ARHGEF3: variants seen among roughly 807,000 people sequenced by gnomAD.
ARHGEF3 encodes Rho guanine nucleotide exchange factor 3, also known as 59.8 kDA protein.
Under a neutral mutation model 63.2 loss-of-function variants are expected in ARHGEF3, and 28 were observed. That is an observed-to-expected ratio of 0.44 (90% CI 0.33 to 0.61). ARHGEF3 has a LOEUF of 0.61. Among genes scored for constraint, ARHGEF3 ranks in the 20% least tolerant of loss-of-function variants. ARHGEF3 has a pLI of 0.03. For synonymous variants in ARHGEF3, 266 were observed against 254.2 expected (o/e 1.05, Z -0.44); for missense variants, 533 against 659.3 (o/e 0.81, Z 2.10).
At chr3:56,938,984 C>T (rs1301055515) in intron 3 of ARHGEF3, 1 of 152,168 alleles carries the variant, frequency 6.6e-6, no homozygotes, top group African/African-American at 2.4e-5. Context: ...TAATGGATCC[C>T]ATCTTTTTCC....
intron 3 of ARHGEF3, among the ~76,000 whole-genome samples, chr3:56,951,247 G>A (rs1699795744): frequency 6.6e-6 from 1 of 150,946 alleles, no homozygotes; most frequent in African/African-American, 2.5e-5. Context: ...CCTGCACGTT[G>A]TGCACATGTA....
chr3:56,981,575 A>G (rs1023602512), intron 2 of ARHGEF3, among the ~76,000 whole-genome samples: 1 of 152,230 alleles, frequency 6.6e-6, no homozygotes, highest in Non-Finnish European at 1.5e-5. Flanking sequence ...ATAACCCTGT[A>G]TTATTTCAAA....
chr3:56,792,817 TTA>T (rs2037152290), intron 1 of ARHGEF3, among the ~76,000 whole-genome samples: 1 of 134,598 alleles, frequency 7.4e-6, no homozygotes, highest in Admixed American at 7.0e-5. Context: ...TTTCTTTTTC[TTA>T]TTTTTTTTTT....
chr3:56,746,865 G>T (rs979874961), intron 6 of ARHGEF3, among the ~76,000 whole-genome samples: 1 of 152,144 alleles, frequency 6.6e-6, no homozygotes. Flanking sequence ...AGGATACCAG[G>T]AAAGTAATAT....
chr3:56,944,763 G>C (rs1263807847), intron 3 of ARHGEF3, among the ~76,000 whole-genome samples: 4 of 151,844 alleles, frequency 2.6e-5, no homozygotes, highest in African/African-American at 9.7e-5. Flanking sequence ...ATTTTTAATA[G>C]AGACGGGGTT....
chr3:56,936,831 C>T (rs1477096255), intron 3 of ARHGEF3, among the ~76,000 whole-genome samples: 1 of 152,144 alleles, frequency 6.6e-6, no homozygotes, highest in African/African-American at 2.4e-5. Context: ...GTGATCCTCC[C>T]ACCTCAGCTG....
chr3:57,024,779 G>A (rs1031521698), intron 2 of ARHGEF3, among the ~76,000 whole-genome samples: 4 of 152,194 alleles, frequency 2.6e-5, no homozygotes, highest in East Asian at 1.9e-4. Context: ...GAGCCACCGC[G>A]CCCGGCCAAG....
chr3:56,733,139 C>T (rs1004156273), intron 8 of ARHGEF3, among the ~76,000 whole-genome samples: 4 of 151,662 alleles, frequency 2.6e-5, no homozygotes, highest in Admixed American at 2.0e-4. Flanking sequence ...AAAAATTAGC[C>T]GGGTGTGGTG....
intron 2 of ARHGEF3, among the ~76,000 whole-genome samples, chr3:56,976,479 T>A (rs753731084): frequency 6.6e-6 from 1 of 152,234 alleles, no homozygotes; most frequent in Non-Finnish European, 1.5e-5. Flanking sequence ...AGTCTTTATA[T>A]TTTATTCAAT....
chr3:56,862,121 C>T (rs1024193405), intron 4 of ARHGEF3, among the ~76,000 whole-genome samples: 4 of 150,484 alleles, frequency 2.7e-5, no homozygotes, highest in African/African-American at 7.3e-5. Context: ...CACCCACCCA[C>T]CTTTTGGGAC....
chr3:56,819,296 A>C (rs1199284691), intron 4 of ARHGEF3, among the ~76,000 whole-genome samples: 2 of 152,198 alleles, frequency 1.3e-5, no homozygotes, highest in Non-Finnish European at 2.9e-5. Context: ...TTGACATTTA[A>C]AAAGCTTTGT....
intron 3 of ARHGEF3, among the ~76,000 whole-genome samples, chr3:56,892,415 C>T (rs1361103508): frequency 1.3e-5 from 2 of 152,180 alleles, no homozygotes; most frequent in African/African-American, 4.8e-5. Flanking sequence ...TACTGGTTCT[C>T]AGGTACACCA....
chr3:56,959,770 G>C (rs1489650529), intron 2 of ARHGEF3, among the ~76,000 whole-genome samples: 1 of 152,146 alleles, frequency 6.6e-6, no homozygotes, highest in Non-Finnish European at 1.5e-5. Context: ...TTGAGGTCAG[G>C]AGTTCAAGAC....
intron 7 of ARHGEF3, among the ~76,000 whole-genome samples, chr3:56,741,278 C>T (rs1470902620): frequency 6.6e-6 from 1 of 151,080 alleles, no homozygotes; most frequent in Non-Finnish European, 1.5e-5. Flanking sequence ...CTCCGCCTCC[C>T]GGGTTCAAGT....
intron 2 of ARHGEF3, among the ~76,000 whole-genome samples, chr3:57,014,689 T>TA (rs1702905179): frequency 1.3e-5 from 2 of 151,936 alleles, no homozygotes; most frequent in South Asian, 4.2e-4. Flanking sequence ...GTTAACTTTT[T>TA]TTTTTTTTTG....
chr3:57,065,747 G>T (rs1386830), intron 1 of ARHGEF3, among the ~76,000 whole-genome samples: 33,028 of 152,132 alleles, frequency 0.22, 4,070 homozygotes, highest in East Asian at 0.47. Flanking sequence ...ACCACAGCTA[G>T]GTGGTAGCCT....
intron 1 of ARHGEF3, among the ~76,000 whole-genome samples, chr3:56,795,663 T>G (rs554261009): frequency 2.5e-4 from 38 of 150,800 alleles, no homozygotes; most frequent in African/African-American, 8.3e-4. Context: ...CTCTTTTTTT[T>G]TTTTGAAGAT....
intron 4 of ARHGEF3, among the ~76,000 whole-genome samples, chr3:56,843,424 G>A (rs2039381594): frequency 1.4e-5 from 1 of 72,674 alleles, no homozygotes; most frequent in African/African-American, 5.1e-5. Flanking sequence ...ATGCCTGGAT[G>A]ACTTTTGTAA....
chr3:56,963,825 T>G (rs1375113493), intron 2 of ARHGEF3, among the ~76,000 whole-genome samples: 1 of 152,214 alleles, frequency 6.6e-6, no homozygotes, highest in Non-Finnish European at 1.5e-5. Context: ...AGGACATAGT[T>G]GATGAGAGAC....
Sources: gnomAD v4.1 joint callset for allele counts (sites outside exome capture counted in the v4.1 genomes callset) on GRCh38, gnomAD v4.1.1 for gene constraint, MANE v1.5 for transcripts, NCBI Gene and HGNC (gene_info 2026-07-23, HGNC 2026-07-21) for gene names.